MARK3: variants seen among roughly 807,000 people sequenced by gnomAD.
The protein encoded by MARK3 is MAP/microtubule affinity-regulating kinase 3.
MARK3 carries 46 observed loss-of-function variants against 90.1 expected under a neutral mutation model. The observed-to-expected ratio is 0.51, with a 90% confidence interval of 0.40 to 0.65. The LOEUF (loss-of-function observed/expected upper bound fraction) is 0.65. MARK3 is among the 30% of genes least tolerant of loss of function. MARK3 has a pLI of 0.00. For synonymous variants in MARK3, 321 were observed against 332.6 expected, an observed-to-expected ratio of 0.97 and a Z score of 0.38; for missense variants, 818 against 947.2, an observed-to-expected ratio of 0.86 and a Z score of 1.79.
Position 103,502,868 on chromosome 14 carries a change from T to G in MARK3, c.1917-14T>G, listed in dbSNP as rs747276241. 6.3e-7 allele frequency: 1 copy of G among 1,595,704 alleles called. No individual in the cohort carries two copies. Among genetic ancestry groups the G allele is most frequent in the South Asian group, 1.1e-5 (1 of 89,730 alleles). ...CTGTACGATTAAAAATAAACCTGCC[T>G]CTATGCATTTCAGTCGCAATGTATC... On this transcript the variant is annotated splice_polypyrimidine_tract_variant and intron_variant, in intron 17 of 17. Coordinates refer to ENST00000429436, the MANE Select transcript of MARK3 (RefSeq NM_001128918.3).
intron 1 of MARK3, among the ~76,000 whole-genome samples, chr14:103,399,099 CA>C (rs2090773058): frequency 6.6e-6 from 1 of 152,092 alleles, no homozygotes. Context: ...GATACAAGGG[CA>C]AAACTATTCT....
At chr14:103,422,064 T>A (rs777109338) in intron 2 of MARK3, among the ~76,000 whole-genome samples, 16 of 152,242 alleles carry the variant, frequency 1.1e-4, no homozygotes, top group Non-Finnish European at 2.4e-4. Context: ...CTTTATAACA[T>A]GCTTGTAGTC....
intron 2 of MARK3, among the ~76,000 whole-genome samples, chr14:103,425,386 A>G (rs2092368535): frequency 6.6e-6 from 1 of 151,630 alleles, no homozygotes; most frequent in South Asian, 2.1e-4. Context: ...CAGCCTTTCA[A>G]GTAGCTGGTG....
Position 103,482,703 on chromosome 14 carries a change from A to G in MARK3, c.1586+2213A>G, listed in dbSNP as rs568218768. 2.8e-3 allele frequency among the ~76,000 whole-genome samples: 422 copies of G among 152,300 alleles called. 4 individuals carry two copies. The highest frequency in any genetic ancestry group is 9.5e-3 in the South Asian group (46 of 4,824). On this transcript the variant is annotated intron_variant, in intron 14 of 17. Transcript: ENST00000429436. Reference sequence around the variant, plus strand: ...GCTACACGTATCATACACCAGGCACATGCATATATGCCTGTGTCTTCTGAT... The same window carrying G: ...GCTACACGTATCATACACCAGGCACGTGCATATATGCCTGTGTCTTCTGAT...
At chr14:103,452,070 T>A in intron 5 of MARK3, 87 bp downstream of exon 5, 2 of 857,470 alleles carry the variant, frequency 2.3e-6, no homozygotes, top group African/African-American at 1.7e-5. Context: ...GGGTCATCAT[T>A]AAGGTCTCAT....
chr14:103,484,611 G>A (rs548464936), intron 14 of MARK3, among the ~76,000 whole-genome samples: 33 of 152,344 alleles, frequency 2.2e-4, no homozygotes, highest in Admixed American at 1.6e-3. Flanking sequence ...GACACTTAGC[G>A]TATGTATCTT....
chr14:103,438,416 A>G (rs1395054058), intron 3 of MARK3, among the ~76,000 whole-genome samples: 1 of 152,230 alleles, frequency 6.6e-6, no homozygotes, highest in East Asian at 1.9e-4. Context: ...TAGAACCTAA[A>G]TTTATAACAT....
intron 15 of MARK3, among the ~76,000 whole-genome samples, chr14:103,493,243 TTTTTTTTTTTTTTAA>T (rs1182561083): frequency 7.5e-6 from 1 of 133,836 alleles, no homozygotes; most frequent in East Asian, 2.3e-4. Flanking sequence ...AGTATTCCTT[TTTTTTTTTTTTTTAA>T]TTTTTTTTTT....
At chr14:103,412,147 G>T in intron 2 of MARK3, 2 of 1,346,760 alleles carry the variant, frequency 1.5e-6, no homozygotes, top group Non-Finnish European at 2.0e-6. Flanking sequence ...CTTGCCCGTG[G>T]TGCTCTTGAT....
intron 3 of MARK3, among the ~76,000 whole-genome samples, chr14:103,436,209 G>T (rs1045313534): frequency 6.6e-6 from 1 of 152,004 alleles, no homozygotes; most frequent in East Asian, 1.9e-4. Context: ...TTTTAAAGAT[G>T]ACCCCTTCCC....
chr14:103,420,574 G>A (rs1164182151), intron 2 of MARK3, among the ~76,000 whole-genome samples: 1 of 152,096 alleles, frequency 6.6e-6, no homozygotes, highest in Non-Finnish European at 1.5e-5. Context: ...CAACATAAAA[G>A]TTATAATTTT....
chr14:103,480,502 TA>T lies in MARK3; in HGVS notation c.1586+13del. On this transcript the variant is annotated intron_variant, in intron 14 of 17. Transcript: ENST00000429436. ...GGCAAAGAAAACAGGTAGGAGATTCTACCTGTTTGTAAGAAAAGTTGTTTTT... is the reference window on the plus strand; with the variant it reads ...GGCAAAGAAAACAGGTAGGAGATTCTCCTGTTTGTAAGAAAAGTTGTTTTT... 1.3e-6 allele frequency: 2 copies of T among 1,528,650 alleles called. No homozygotes were observed. Among genetic ancestry groups the T allele is most frequent in the Non-Finnish European group, 1.8e-6 (2 of 1,109,916 alleles). 94.7% of individuals were successfully genotyped at this position (1,528,650 alleles called of 1,614,324 possible).
At chr14:103,439,462 G>T (rs1471582885) in intron 3 of MARK3, among the ~76,000 whole-genome samples, 1 of 152,012 alleles carries the variant, frequency 6.6e-6, no homozygotes, top group Admixed American at 6.6e-5. Flanking sequence ...AGGCTGGAGT[G>T]CAGTAGTGCG....
At chr14:103,466,794 C>T (rs1205991696) in intron 10 of MARK3, among the ~76,000 whole-genome samples, 3 of 152,096 alleles carry the variant, frequency 2.0e-5, no homozygotes, top group Non-Finnish European at 4.4e-5. Flanking sequence ...CACCTGAGGT[C>T]GGGAGGTCGA....
chr14:103,411,654 C>T (rs545681481), intron 2 of MARK3, among the ~76,000 whole-genome samples: 20 of 151,868 alleles, frequency 1.3e-4, no homozygotes, highest in East Asian at 1.2e-3. Flanking sequence ...GATGGAGTCT[C>T]GCTCTGTCGC....
intron 1 of MARK3, among the ~76,000 whole-genome samples, chr14:103,403,136 T>G (rs2091064709): frequency 6.6e-6 from 1 of 152,080 alleles, no homozygotes; most frequent in African/African-American, 2.4e-5. Context: ...AGGTTGAATT[T>G]ATGAAACATG....
intron 15 of MARK3, among the ~76,000 whole-genome samples, chr14:103,493,258 A>AAT (rs759158573): frequency 7.6e-5 from 8 of 105,366 alleles, no homozygotes; most frequent in East Asian, 5.5e-4. Context: ...TTTTTTTTTA[A>AAT]TTTTTTTTTT....
intron 16 of MARK3, chr14:103,499,751 T>A (rs1436653448): frequency 6.2e-6 from 1 of 161,622 alleles, no homozygotes; most frequent in African/African-American, 2.4e-5. Flanking sequence ...GGCTTTTAAT[T>A]GGAAACCCAT....
intron 7 of MARK3, among the ~76,000 whole-genome samples, chr14:103,463,942 A>G (rs148490257): frequency 6.6e-6 from 1 of 152,308 alleles, no homozygotes; most frequent in African/African-American, 2.4e-5. Context: ...TCTTGTGTGA[A>G]ACATACTGTG....
Sources: allele counts gnomAD v4.1 joint callset (sites outside exome capture counted in the v4.1 genomes callset), GRCh38; gene constraint gnomAD v4.1.1; transcripts MANE v1.5; gene names NCBI Gene and HGNC (gene_info 2026-07-23, HGNC 2026-07-21).